CNTN4: variants seen among roughly 807,000 people sequenced by gnomAD.
CNTN4 encodes contactin 4, also known as contactin-4.
A neutral mutation model predicts 122.5 loss-of-function variants in CNTN4; 77 were observed. The ratio of observed to expected loss-of-function variants is 0.63; its 90% CI spans 0.52 to 0.76. The LOEUF is 0.76. CNTN4 is among the 30% of genes least tolerant of loss of function. The pLI is 0.00. For missense variants in CNTN4, 1,256 were observed against 1,259.1 expected, an observed-to-expected ratio of 1.00 and a Z score of 0.04; for synonymous variants, 512 against 447.0, an observed-to-expected ratio of 1.15 and a Z score of -1.83.
intron 3 of CNTN4, chr3:2,362,612 G>A: frequency 2.0e-6 from 1 of 488,650 alleles, no homozygotes; most frequent in South Asian, 1.6e-5. Context: ...TGTGTAAGAA[G>A]ATAGCAAGGG....
chr3:3,002,017 G>A (rs1696095204), intron 14 of CNTN4, among the ~76,000 whole-genome samples: 2 of 152,308 alleles, frequency 1.3e-5, no homozygotes, highest in South Asian at 2.1e-4. Flanking sequence ...GAGGCAGGTT[G>A]TCACCTTTCA....
rs201015763 is a variant in CNTN4 at position 3,026,320 on chromosome 3, G to T, written c.1662+43G>T. 4.8e-5 allele frequency: 72 copies of T among 1,508,854 alleles called. No individual in the cohort carries two copies. In the East Asian group the frequency reaches 1.3e-3, roughly 28 times the overall value. The allele number at this position is 1,508,854 out of a possible 1,614,324, so 93.5% of individuals were successfully genotyped here. On this transcript the variant is annotated intron_variant, in intron 15 of 24. Transcript: ENST00000418658. ...AAACTGACTCAAACTAACTTGTTTAGACCAACTTAACAATATATTTAAAGT... is the reference window on the plus strand; with the variant it reads ...AAACTGACTCAAACTAACTTGTTTATACCAACTTAACAATATATTTAAAGT...
intron 3 of CNTN4, among the ~76,000 whole-genome samples, chr3:2,515,074 G>C (rs1009304382): frequency 6.6e-6 from 1 of 151,892 alleles, no homozygotes; most frequent in African/African-American, 2.4e-5. Context: ...AACGAGGTTC[G>C]GATTGTCTGC....
intron 3 of CNTN4, among the ~76,000 whole-genome samples, chr3:2,453,173 T>G (rs2048890124): frequency 6.6e-6 from 1 of 152,004 alleles, no homozygotes; most frequent in African/African-American, 2.4e-5. Context: ...TAGTGGTTGG[T>G]AATTATGTGA....
intron 9 of CNTN4, among the ~76,000 whole-genome samples, chr3:2,884,595 A>G (rs2093948716): frequency 6.6e-6 from 1 of 152,232 alleles, no homozygotes; most frequent in Non-Finnish European, 1.5e-5. Context: ...TGCTAACAGG[A>G]TAATATGATT....
At chr3:2,776,259 T>TGGTTATAA (rs1226307307) in intron 6 of CNTN4, among the ~76,000 whole-genome samples, 9 of 105,992 alleles carry the variant, frequency 8.5e-5, no homozygotes, top group Non-Finnish European at 1.6e-4. Flanking sequence ...GCAATTTGAT[T>TGGTTATAA]GGTTATAAGT....
chr3:2,427,065 A>G (rs188919712), intron 3 of CNTN4, among the ~76,000 whole-genome samples: 4 of 151,588 alleles, frequency 2.6e-5, no homozygotes, highest in East Asian at 3.9e-4. Context: ...TTGTGTCTCT[A>G]TCTCCTTCAG....
At chr3:3,043,452 A>C (rs1044706626) in intron 22 of CNTN4, 140 bp from the exon 23 acceptor site, 2 of 751,158 alleles carry the variant, frequency 2.7e-6, no homozygotes, top group Non-Finnish European at 4.7e-6. Context: ...ATCTCATCAG[A>C]TTTTAGTGAC....
At chr3:2,194,320 G>A (rs1294401550) in intron 2 of CNTN4, among the ~76,000 whole-genome samples, 1 of 151,932 alleles carries the variant, frequency 6.6e-6, no homozygotes, top group Non-Finnish European at 1.5e-5. Flanking sequence ...AATTAGCCAG[G>A]TGTGGTGGTG....
At chr3:2,752,394 C>A (rs2090137350) in intron 6 of CNTN4, among the ~76,000 whole-genome samples, 1 of 152,158 alleles carries the variant, frequency 6.6e-6, no homozygotes, top group South Asian at 2.1e-4. Flanking sequence ...GAGGTGGAGT[C>A]TCGCTCTGTC....
intron 3 of CNTN4, among the ~76,000 whole-genome samples, chr3:2,461,882 G>A (rs181360198): frequency 3.3e-5 from 5 of 152,274 alleles, no homozygotes; most frequent in Admixed American, 3.3e-4. Flanking sequence ...AAGCTAAGCA[G>A]CTAAGATTCT....
chr3:2,144,541 A>G (rs1574933167), intron 2 of CNTN4, among the ~76,000 whole-genome samples: 1 of 152,302 alleles, frequency 6.6e-6, no homozygotes, highest in East Asian at 1.9e-4. Flanking sequence ...TGGGTGGCAA[A>G]GGATCATTGA....
At chr3:2,678,039 T>A (rs1468543355) in intron 4 of CNTN4, among the ~76,000 whole-genome samples, 1 of 152,152 alleles carries the variant, frequency 6.6e-6, no homozygotes, top group African/African-American at 2.4e-5. Context: ...AAGTGTTTTC[T>A]TAAAGACTGG....
At chr3:2,269,938 A>T (rs1370231805) in intron 2 of CNTN4, among the ~76,000 whole-genome samples, 1 of 84,644 alleles carries the variant, frequency 1.2e-5, no homozygotes, top group African/African-American at 3.2e-5. Context: ...TTATTTATTT[A>T]TTTATTTATT....
At chr3:2,802,123 T>A (rs1408991813) in intron 6 of CNTN4, among the ~76,000 whole-genome samples, 2 of 152,246 alleles carry the variant, frequency 1.3e-5, no homozygotes, top group Admixed American at 1.3e-4. Context: ...ATAATCATTT[T>A]TATGCCTGAA....
intron 4 of CNTN4, among the ~76,000 whole-genome samples, chr3:2,592,851 A>G (rs1236680311): frequency 1.3e-5 from 2 of 152,242 alleles, no homozygotes; most frequent in African/African-American, 2.4e-5. Context: ...TCACAGCCTT[A>G]GAAATGCTCA....
chr3:2,752,327 C>CTCT (rs2090135179), intron 6 of CNTN4, among the ~76,000 whole-genome samples: 1 of 152,180 alleles, frequency 6.6e-6, no homozygotes, highest in Non-Finnish European at 1.5e-5. Context: ...GCAAAATTCT[C>CTCT]TCTTCTGAAA....
chr3:2,175,589 G>C (rs767588847), intron 2 of CNTN4, among the ~76,000 whole-genome samples: 1 of 152,146 alleles, frequency 6.6e-6, no homozygotes, highest in Non-Finnish European at 1.5e-5. Flanking sequence ...AGAGACAGAG[G>C]CTTCTTCAAT....
chr3:2,885,946 A>T (rs763700822), intron 9 of CNTN4, among the ~76,000 whole-genome samples: 2 of 151,940 alleles, frequency 1.3e-5, no homozygotes, highest in Non-Finnish European at 2.9e-5. Context: ...CAAGGTATTC[A>T]CTCTTCTCGT....
Sources: gnomAD v4.1 joint callset for allele counts (sites outside exome capture counted in the v4.1 genomes callset) on GRCh38, gnomAD v4.1.1 for gene constraint, MANE v1.5 for transcripts, NCBI Gene and HGNC (gene_info 2026-07-23, HGNC 2026-07-21) for gene names.